The following APLP2 variants were observed in gnomAD, a reference collection of about 807,000 sequenced individuals.
The protein encoded by APLP2 is CDEI box-binding protein.
A neutral mutation model predicts 89.9 loss-of-function variants in APLP2; 53 were observed. The observed-to-expected ratio is 0.59, with a 90% CI of 0.47 to 0.74. APLP2 has a LOEUF of 0.74. APLP2 is among the 30% of genes least tolerant of loss of function. APLP2 has a pLI of 0.00. For synonymous variants in APLP2, 372 were observed against 348.6 expected (o/e 1.07, Z -0.75); for missense variants, 973 against 975.9 (o/e 1.00, Z 0.04).
chr11:130,116,472 G>T (rs1472222414), intron 3 of APLP2, among the ~76,000 whole-genome samples: 5 of 151,988 alleles, frequency 3.3e-5, no homozygotes, highest in African/African-American at 1.2e-4. Flanking sequence ...TATTTCCTTA[G>T]GGTGTGTATC....
At chr11:130,143,325 C>G in intron 16 of APLP2, 22 bp from the exon 17 acceptor site, 1 of 1,607,366 alleles carries the variant, frequency 6.2e-7, no homozygotes, top group Non-Finnish European at 8.5e-7. Context: ...ACCACAATGA[C>G]CCTCAGGTTT....
intron 1 of APLP2, among the ~76,000 whole-genome samples, chr11:130,097,389 T>C (rs1946351567): frequency 6.6e-6 from 1 of 152,342 alleles, no homozygotes; most frequent in African/African-American, 2.4e-5. Context: ...CCTTTCAGCA[T>C]AGCAGAACCT....
intron 1 of APLP2, among the ~76,000 whole-genome samples, chr11:130,104,053 A>G (rs1231452736): frequency 6.6e-6 from 1 of 152,084 alleles, no homozygotes; most frequent in African/African-American, 2.4e-5. Flanking sequence ...TGGGAAGCAA[A>G]GGATTCGGGG....
chr11:130,114,620 C>G lies in APLP2; in HGVS notation c.403+3959C>G, dbSNP rs776042143. On this transcript the variant is annotated intron_variant, in intron 3 of 16. Coordinates refer to ENST00000338167, the MANE Select transcript of APLP2 (RefSeq NM_001142276.2). ...ACTTTACTTTCTGATACAAAAGATT[C>G]TCCAAGTCCATTCTGTATTTTCCCT... 1.2e-3 allele frequency among the ~76,000 whole-genome samples: 185 copies of G among 152,216 alleles called. 3 individuals carry two copies. The highest frequency in any genetic ancestry group is 3.9e-4 in the Admixed American group (6 of 15,284).
At chr11:130,125,366 A>G (rs1413852840) in intron 7 of APLP2, among the ~76,000 whole-genome samples, 1 of 150,840 alleles carries the variant, frequency 6.6e-6, no homozygotes, top group African/African-American at 2.5e-5. Flanking sequence ...TAGCACAGGC[A>G]TGTGTCACTG....
At chr11:130,138,673 C>A (rs1951947888) in intron 13 of APLP2, 1 of 148,412 alleles carries the variant, frequency 6.7e-6, no homozygotes, top group African/African-American at 2.5e-5. Flanking sequence ...GCAGCCTCCT[C>A]CTCTGGGGCT....
At chr11:130,129,382 A>G (rs1202071459) in intron 10 of APLP2, among the ~76,000 whole-genome samples, 176 bp downstream of exon 10, 5 of 152,258 alleles carry the variant, frequency 3.3e-5, no homozygotes, top group Non-Finnish European at 7.3e-5. Flanking sequence ...ATATAAGCTA[A>G]GCATGACATC....
At chr11:130,099,502 A>G (rs184608673) in intron 1 of APLP2, among the ~76,000 whole-genome samples, 39 of 152,348 alleles carry the variant, frequency 2.6e-4, no homozygotes, top group Non-Finnish European at 4.6e-4. Flanking sequence ...TGATCACAGA[A>G]GTGTTTTGAT....
At chr11:130,091,606 C>A (rs1300532397) in intron 1 of APLP2, among the ~76,000 whole-genome samples, 209 of 109,888 alleles carry the variant, frequency 1.9e-3, no homozygotes, top group East Asian at 4.5e-3. Context: ...ACCCCCCCAT[C>A]TCCCTCCCAG....
intron 1 of APLP2, among the ~76,000 whole-genome samples, chr11:130,089,638 A>G (rs1210259965): frequency 1.3e-5 from 2 of 152,216 alleles, no homozygotes; most frequent in African/African-American, 2.4e-5. Context: ...GATGCCACAA[A>G]TGGAGTGACT....
intron 7 of APLP2, among the ~76,000 whole-genome samples, chr11:130,125,742 T>C (rs1565592336): frequency 6.6e-6 from 1 of 152,228 alleles, no homozygotes; most frequent in African/African-American, 2.4e-5. Context: ...TCCACTTAGC[T>C]CTGAAATTGT....
At position 130,141,633 on chromosome 11, in the gene APLP2, C is replaced by A. The variant is rs1715714050; in HGVS notation, c.1998+61C>A. On this transcript the variant is annotated intron_variant, in intron 15 of 16. Coordinates refer to ENST00000338167, the MANE Select transcript of APLP2 (RefSeq NM_001142276.2). The surrounding 1 kb of genome is among the most constrained non-coding windows in gnomAD (Gnocchi z 4.2). The stretch of plus-strand genomic sequence containing the variant: ...CAATCTTAGGTATTTCTCCTCTGGA[C>A]CTTCTCAGTTCAAGTAGAAAACGGG... 1 of 1,458,800 alleles carries A rather than the reference C, an allele frequency of 6.9e-7. No homozygotes were observed. The allele number at this position is 1,458,800 out of a possible 1,614,324, so 90.4% of individuals were successfully genotyped here.
intron 7 of APLP2, among the ~76,000 whole-genome samples, chr11:130,125,539 T>G (rs373758883): frequency 6.6e-6 from 1 of 152,244 alleles, no homozygotes; most frequent in African/African-American, 2.4e-5. Flanking sequence ...TTCATGACTT[T>G]AGTTGTCGTT....
intron 1 of APLP2, among the ~76,000 whole-genome samples, chr11:130,091,565 G>A (rs1280493025): frequency 7.3e-5 from 10 of 137,196 alleles, no homozygotes; most frequent in South Asian, 2.3e-4. Context: ...CCTCCCTCCC[G>A]GACGGGGCGG....
Position 130,133,739 on chromosome 11 carries a change from G to C in APLP2, c.1684+11G>C. On this transcript the variant is annotated intron_variant, in intron 12 of 16. Coordinates refer to ENST00000338167, the MANE Select transcript of APLP2 (RefSeq NM_001142276.2). Reference sequence around the variant, plus strand: ...TTCAAGAGGAAATTGGTGGGTACCAGCTCTTTGTGTCAAGGTCATACGGGA... The same window carrying C: ...TTCAAGAGGAAATTGGTGGGTACCACCTCTTTGTGTCAAGGTCATACGGGA... 1 of 1,597,634 alleles carries C rather than the reference G, an allele frequency of 6.3e-7. No homozygotes were observed. The highest frequency in any genetic ancestry group is 8.6e-7 in the Non-Finnish European group (1 of 1,165,084).
chr11:130,114,495 CATTT>C (rs945560119), intron 3 of APLP2, among the ~76,000 whole-genome samples: 5 of 152,208 alleles, frequency 3.3e-5, no homozygotes, highest in Admixed American at 6.5e-5. Flanking sequence ...TATCTACATT[CATTT>C]GTCTTACTAT....
At chr11:130,085,345 C>T (rs1005685504) in intron 1 of APLP2, among the ~76,000 whole-genome samples, 10 of 151,830 alleles carry the variant, frequency 6.6e-5, no homozygotes, top group Non-Finnish European at 8.8e-5. Flanking sequence ...CCAGCTACTC[C>T]GGAGGCTGAG....
chr11:130,121,943 C>T (rs1949874235), intron 5 of APLP2, 133 bp downstream of exon 5: 4 of 1,381,802 alleles, frequency 2.9e-6, no homozygotes, highest in South Asian at 1.4e-5. Flanking sequence ...GTTGATTAAG[C>T]TTGCATTTCA....
chr11:130,129,205 G>A lies in APLP2; in HGVS notation c.1454G>A (p.Arg485Gln), dbSNP rs140968476. 1.4e-5 allele frequency: 23 copies of A among 1,612,934 alleles called. No individual in the cohort carries two copies. The highest frequency in any genetic ancestry group is 1.2e-4 in the Admixed American group (7 of 59,954). Reference protein sequence around the residue: ...YLAALQSDPPRPHRILQALRR... With the variant: ...YLAALQSDPPQPHRILQALRR... The stretch of plus-strand genomic sequence containing the variant: ...GCTGCCTTGCAGTCTGACCCGCCAC[G>A]GGTGAGTCCTGCCCCTAGCACTGCC... Residue 485 changes from arginine to glutamine, a missense_variant and splice_region_variant, in exon 10 of 17, where the codon CGG becomes CAG. Arg to Gln is a conservative substitution (Grantham distance 43). Transcript: ENST00000338167.
Sources: gnomAD v4.1 joint callset for allele counts (sites outside exome capture counted in the v4.1 genomes callset) on GRCh38, gnomAD v4.1.1 for gene constraint, Gnocchi (gnomAD v3.1) non-coding constraint, MANE v1.5 for transcripts, NCBI Gene and HGNC (gene_info 2026-07-23, HGNC 2026-07-21) for gene names.